POC1B: variants seen among roughly 807,000 people sequenced by gnomAD.
POC1B encodes POC1 centriolar protein homolog B.
In POC1B, 44 loss-of-function variants were observed where a neutral mutation model predicts 60.6. That is an observed-to-expected ratio of 0.73 (90% CI 0.57 to 0.93). POC1B has a LOEUF of 0.93. Among genes scored for constraint, POC1B ranks in the 40% least tolerant of loss-of-function variants. The probability of loss-of-function intolerance (pLI) is 0.00; values close to 1 mark genes in which losing one functional copy is unlikely to be tolerated. For synonymous variants in POC1B, 180 were observed against 198.9 expected, an observed-to-expected ratio of 0.90 and a Z score of 0.80; for missense variants, 555 against 572.3, an observed-to-expected ratio of 0.97 and a Z score of 0.31.
chr12:89,415,366 G>A (rs1190055026), downstream of POC1B, among the ~76,000 whole-genome samples: 5 of 152,132 alleles, frequency 3.3e-5, no homozygotes. Context: ...AATAATAGCC[G>A]GGTGCGGTGG....
chr12:89,425,841 G>A (rs1290572772), intron 10 of POC1B: 1 of 153,382 alleles, frequency 6.5e-6, no homozygotes, highest in Admixed American at 6.5e-5. Context: ...TTGGCTGTTA[G>A]TTACCCCCAA....
intron 4 of POC1B, chr12:89,485,412 A>G (rs1232757910): frequency 6.6e-6 from 1 of 152,258 alleles, no homozygotes; most frequent in Non-Finnish European, 1.5e-5. Context: ...TGTAGTGTAC[A>G]TAAATAAAAA....
At chr12:89,435,555 T>C (rs1881220741) in intron 10 of POC1B, among the ~76,000 whole-genome samples, 2 of 152,234 alleles carry the variant, frequency 1.3e-5, no homozygotes, top group Admixed American at 1.3e-4. Context: ...TAAGATTCTA[T>C]GATAACATGA....
At chr12:89,510,476 T>C (rs1281481413) in intron 2 of POC1B, among the ~76,000 whole-genome samples, 3 of 152,174 alleles carry the variant, frequency 2.0e-5, no homozygotes, top group Non-Finnish European at 2.9e-5. Flanking sequence ...ACTCTGCACA[T>C]CCTGAGCTCA....
intron 10 of POC1B, among the ~76,000 whole-genome samples, chr12:89,455,061 C>T (rs527299998): frequency 8.8e-4 from 134 of 152,282 alleles, no homozygotes; most frequent in Admixed American, 2.6e-3. Flanking sequence ...CCTCCAGGCA[C>T]GGTGGCTCAT....
intron 7 of POC1B, 69 bp from the exon 8 acceptor site, chr12:89,467,754 G>T: frequency 8.3e-7 from 1 of 1,201,694 alleles, no homozygotes; most frequent in Non-Finnish European, 1.2e-6. Context: ...GAAGACTATG[G>T]ATATCAATTT....
intron 4 of POC1B, among the ~76,000 whole-genome samples, chr12:89,487,938 T>C (rs1868727250): frequency 1.6e-5 from 1 of 64,134 alleles, no homozygotes; most frequent in Admixed American, 1.3e-4. Context: ...TTTATAACTA[T>C]TTAGTATCAT....
intron 2 of POC1B, chr12:89,500,764 A>G (rs953511611): frequency 3.8e-6 from 4 of 1,054,560 alleles, no homozygotes; most frequent in Non-Finnish European, 5.6e-6. Flanking sequence ...ATAGAAATAG[A>G]TAATAAAGTA....
rs368425461 is a variant in POC1B, at chr12:89,523,070, T to C, written c.100+2050A>G. ...AACTCTGTCACAGAATTAAACCTTA[T>C]TTCTTTGTTTGAAGTATATTCAAAG... On this transcript the variant is annotated intron_variant, in intron 2 of 11. Transcript: ENST00000313546. The C allele has an allele frequency of 5.0e-6, 8 of 1,613,866 alleles. No individual in the cohort carries two copies. Among genetic ancestry groups the C allele is most frequent in the Non-Finnish European group, 6.8e-6 (8 of 1,179,760 alleles).
At chr12:89,421,841 C>T (rs1176516912) in intron 11 of POC1B, among the ~76,000 whole-genome samples, 1 of 152,120 alleles carries the variant, frequency 6.6e-6, no homozygotes, top group African/African-American at 2.4e-5. Flanking sequence ...ATGTAAAATG[C>T]TTACGCTAGT....
intron 9 of POC1B, among the ~76,000 whole-genome samples, chr12:89,462,976 T>C (rs983658696): frequency 6.6e-6 from 1 of 152,194 alleles, no homozygotes; most frequent in African/African-American, 2.4e-5. Flanking sequence ...CAAGTGGTCA[T>C]TTTAAAAAAT....
At chr12:89,415,576 G>A (rs898889437), downstream of POC1B, among the ~76,000 whole-genome samples, 3 of 151,764 alleles carry the variant, frequency 2.0e-5, no homozygotes, top group Non-Finnish European at 4.4e-5. Flanking sequence ...CCGGGAGGCG[G>A]AGCTTGCACT....
At chr12:89,409,825 C>T in the POC1B span, among the ~76,000 whole-genome samples, 1 of 152,142 alleles carries the variant, frequency 6.6e-6, no homozygotes, top group Admixed American at 6.5e-5. Flanking sequence ...AGCCTACCAA[C>T]CAAGAAAAGC....
intron 2 of POC1B, chr12:89,522,941 C>T (rs766972477): frequency 6.2e-7 from 1 of 1,614,050 alleles, no homozygotes; most frequent in Non-Finnish European, 8.5e-7. Context: ...AAAATAGTTC[C>T]ATCTTCTTTA....
intron 2 of POC1B, 49 bp downstream of exon 2, chr12:89,525,071 C>G: frequency 1.9e-6 from 3 of 1,611,658 alleles, no homozygotes; most frequent in Non-Finnish European, 1.7e-6. Flanking sequence ...AGGTTTCCGG[C>G]CCATGGAGTT....
At chr12:89,438,937 G>A (rs1881394035) in intron 10 of POC1B, among the ~76,000 whole-genome samples, 1 of 152,126 alleles carries the variant, frequency 6.6e-6, no homozygotes, top group Non-Finnish European at 1.5e-5. Context: ...ACTTGAAATC[G>A]CAAATTTGTC....
In POC1B at chr12:89,420,084, T is replaced by A. The variant is rs187594180; in HGVS notation, c.*1069A>T. 4 of 152,346 alleles carry A rather than the reference T, an allele frequency of 2.6e-5. No individual in the cohort carries two copies. The East Asian group carries it at 7.7e-4, about 29-fold the overall frequency. 9.4% of individuals were successfully genotyped at this position (152,346 alleles called of 1,614,324 possible). ...GGACACCTCCTCCCATTTTTGTTCTTGATACAGGTTGATAATCAAGCTGAA... is the reference window on the plus strand; with the variant it reads ...GGACACCTCCTCCCATTTTTGTTCTAGATACAGGTTGATAATCAAGCTGAA... On this transcript the variant is annotated 3_prime_UTR_variant, in exon 12 of 12. Transcript: ENST00000313546.
intron 4 of POC1B, among the ~76,000 whole-genome samples, chr12:89,490,496 C>T (rs534844477): frequency 1.3e-5 from 2 of 152,250 alleles, no homozygotes; most frequent in South Asian, 4.1e-4. Context: ...AGGCACCTGC[C>T]ACCACGCCTA....
chr12:89,425,447 T>A, intron 10 of POC1B, 68 bp from the exon 11 acceptor site: 1 of 1,265,924 alleles, frequency 7.9e-7, no homozygotes, highest in South Asian at 1.5e-5. Context: ...ATATAAAAGT[T>A]TAAAATATTC....
Sources: gnomAD v4.1 joint callset for allele counts (sites outside exome capture counted in the v4.1 genomes callset) on GRCh38, gnomAD v4.1.1 for gene constraint, MANE v1.5 for transcripts, NCBI Gene and HGNC (gene_info 2026-07-23, HGNC 2026-07-21) for gene names.